YAP1: variants seen among roughly 807,000 people sequenced by gnomAD.
The protein encoded by YAP1 is Yes1 associated transcriptional regulator.
YAP1 carries 5 observed loss-of-function variants against 56.9 expected under a neutral mutation model. The ratio of observed to expected loss-of-function variants is 0.09; its 90% CI spans 0.05 to 0.18. YAP1 has a LOEUF of 0.18. Ranked by LOEUF, YAP1 falls within the 10% of genes least tolerant of loss-of-function variation. The pLI, the probability that YAP1 is intolerant of heterozygous loss-of-function variation, is 1.00. For synonymous variants in YAP1, 265 were observed against 248.1 expected (o/e 1.07, Z -0.64); for missense variants, 539 against 651.8 (o/e 0.83, Z 1.88).
intron 2 of YAP1, among the ~76,000 whole-genome samples, chr11:102,160,447 T>TA (rs1376030569): frequency 6.6e-6 from 1 of 152,246 alleles, no homozygotes; most frequent in Non-Finnish European, 1.5e-5. Context: ...CATTGTGTAT[T>TA]ATGTATATTA....
intron 2 of YAP1, among the ~76,000 whole-genome samples, chr11:102,139,791 G>A (rs923489170): frequency 6.6e-6 from 1 of 152,146 alleles, no homozygotes; most frequent in Non-Finnish European, 1.5e-5. Flanking sequence ...CTGTGTTTGA[G>A]GGGAATTTGA....
At chr11:102,187,216 C>A (rs990331720) in intron 4 of YAP1, among the ~76,000 whole-genome samples, 5 of 152,108 alleles carry the variant, frequency 3.3e-5, no homozygotes, top group Admixed American at 2.0e-4. Context: ...CTTATATATA[C>A]CTTTAAAAAA....
intron 2 of YAP1, among the ~76,000 whole-genome samples, chr11:102,121,028 C>G (rs1337427398): frequency 6.6e-6 from 1 of 152,138 alleles, no homozygotes; most frequent in Non-Finnish European, 1.5e-5. Flanking sequence ...ACAGTCCTCC[C>G]TCACTCTTAT....
intron 4 of YAP1, chr11:102,186,710 T>A (rs1275751708): frequency 6.5e-6 from 1 of 153,300 alleles, no homozygotes; most frequent in African/African-American, 2.4e-5. Context: ...CATATTCCCC[T>A]CCAGATCTCA....
At chr11:102,199,172 A>T (rs903182730) in intron 4 of YAP1, among the ~76,000 whole-genome samples, 4 of 152,198 alleles carry the variant, frequency 2.6e-5, no homozygotes, top group Non-Finnish European at 2.9e-5. Context: ...CAGGTGTGTG[A>T]GAGAATAATC....
intron 3 of YAP1, among the ~76,000 whole-genome samples, chr11:102,163,635 C>T (rs1364749439): frequency 1.3e-5 from 2 of 152,184 alleles, no homozygotes; most frequent in Admixed American, 1.3e-4. Flanking sequence ...ACCGCCCATG[C>T]ATTTTCCCTA....
At chr11:102,186,814 A>ATTGTGTGTGTGTGTGTG (rs3221111) in intron 4 of YAP1, 2 of 138,418 alleles carry the variant, frequency 1.4e-5, no homozygotes, top group South Asian at 5.3e-4. Context: ...TTTTTAAAAA[A>ATTGTGTGTGTGTGTGTG]TGTGTGTGTG....
intron 4 of YAP1, among the ~76,000 whole-genome samples, chr11:102,194,073 G>A (rs573371654): frequency 1.4e-3 from 207 of 152,262 alleles, no homozygotes; most frequent in Non-Finnish European, 2.5e-3. Flanking sequence ...CCGAAGTGCT[G>A]GGATTACAGG....
chr11:102,125,251 G>A (rs1017979718), intron 2 of YAP1, among the ~76,000 whole-genome samples: 3 of 150,816 alleles, frequency 2.0e-5, no homozygotes, highest in African/African-American at 7.3e-5. Flanking sequence ...CGAACTCCTG[G>A]GCTCAAATGA....
intron 6 of YAP1, among the ~76,000 whole-genome samples, chr11:102,223,246 T>A (rs1950035006): frequency 7.1e-6 from 1 of 140,882 alleles, no homozygotes. Flanking sequence ...GACTCCGTCT[T>A]GAAGAACAAA....
At chr11:102,186,856 G>C (rs191090252) in intron 4 of YAP1, among the ~76,000 whole-genome samples, 264 of 150,740 alleles carry the variant, frequency 1.8e-3, no homozygotes, top group African/African-American at 6.1e-3. Context: ...GTTTTAAACT[G>C]TTTTCAGTTT....
At chr11:102,193,371 CT>C (rs1948398900) in intron 4 of YAP1, among the ~76,000 whole-genome samples, 1 of 152,052 alleles carries the variant, frequency 6.6e-6, no homozygotes, top group South Asian at 2.1e-4. Context: ...AAGTAAACAA[CT>C]TTAGTTGTAT....
At chr11:102,114,123 C>T (rs1423652080) in intron 1 of YAP1, 21 bp from the exon 2 acceptor site, 5 of 1,544,022 alleles carry the variant, frequency 3.2e-6, no homozygotes, top group African/African-American at 2.8e-5. Flanking sequence ...TTTAATTTTT[C>T]ATCTTAATAT....
Position 102,111,133 on chromosome 11 carries a change from C to T in YAP1, c.285C>T (p.Phe95=), listed in dbSNP as rs1167107194. The change falls in exon 1 of 9, where the codon TTC becomes TTT. Residue 95 remains phenylalanine (F), a synonymous_variant. Transcript: ENST00000282441. ...PMRLRKLPDS[F]FKPPEPKSHS... is the part of the protein sequence containing the mutation. The stretch of plus-strand genomic sequence containing the variant: ...GGCTCCGGAAGCTGCCCGACTCCTT[C>T]TTCAAGCCGCCGGAGCCCAAATCCC... 1.2e-6 allele frequency: 2 copies of T among 1,613,292 alleles called. No homozygotes were observed. Among genetic ancestry groups the T allele is most frequent in the South Asian group, 2.2e-5 (2 of 91,082 alleles).
intron 4 of YAP1, among the ~76,000 whole-genome samples, chr11:102,205,469 A>G (rs1355950847): frequency 6.6e-6 from 1 of 152,166 alleles, no homozygotes; most frequent in Non-Finnish European, 1.5e-5. Flanking sequence ...TTTGTCCTTT[A>G]GTCACCCAGT....
chr11:102,113,849 A>G (rs569078800), intron 1 of YAP1, among the ~76,000 whole-genome samples: 2 of 152,268 alleles, frequency 1.3e-5, no homozygotes, highest in South Asian at 4.1e-4. Flanking sequence ...TATTTTTGGA[A>G]TGTTTTATTC....
intron 1 of YAP1, chr11:102,112,639 G>C (rs1427051694): frequency 5.1e-6 from 5 of 984,916 alleles, no homozygotes; most frequent in Non-Finnish European, 4.8e-6. Flanking sequence ...AAAGGGTTTT[G>C]GAACTCAGAA....
chr11:102,118,431 G>A (rs1365924705), intron 2 of YAP1, among the ~76,000 whole-genome samples: 1 of 150,036 alleles, frequency 6.7e-6, no homozygotes, highest in Non-Finnish European at 1.5e-5. Context: ...GTGATTGATC[G>A]CTATACATAG....
intron 2 of YAP1, among the ~76,000 whole-genome samples, chr11:102,134,495 A>G (rs1410443349): frequency 6.8e-6 from 1 of 147,620 alleles, no homozygotes; most frequent in African/African-American, 2.5e-5. Context: ...ATTTATTTAT[A>G]TATGTATAAT....
Sources: allele counts gnomAD v4.1 joint callset (sites outside exome capture counted in the v4.1 genomes callset), GRCh38; gene constraint gnomAD v4.1.1; transcripts MANE v1.5; gene names NCBI Gene and HGNC (gene_info 2026-07-23, HGNC 2026-07-21).